OPHN1: variants seen among roughly 807,000 people sequenced by gnomAD.
The protein encoded by OPHN1 is oligophrenin-1.
A neutral mutation model predicts 60.7 loss-of-function variants in OPHN1; 11 were observed. The ratio of observed to expected loss-of-function variants is 0.18; its 90% confidence interval spans 0.11 to 0.30. OPHN1 has a LOEUF of 0.30. Among genes scored for constraint, OPHN1 ranks in the 10% least tolerant of loss-of-function variants. The pLI is 1.00. For synonymous variants in OPHN1, 226 were observed against 222.6 expected, an observed-to-expected ratio of 1.02 and a Z score of -0.14; for missense variants, 449 against 611.0, an observed-to-expected ratio of 0.73 and a Z score of 2.80.
chrX:68,092,130 A>C (rs1229090387), intron 19 of OPHN1, among the ~76,000 whole-genome samples: 3 of 111,568 alleles, frequency 2.7e-5, no homozygotes, highest in Non-Finnish European at 5.7e-5. Context: ...AGAAAACTTA[A>C]AACCAATGTG....
chrX:68,267,713 A>C (rs2077939535), intron 5 of OPHN1, among the ~76,000 whole-genome samples: 2 of 112,389 alleles, frequency 1.8e-5, no homozygotes, highest in Non-Finnish European at 3.8e-5. Context: ...AGAGACACAA[A>C]AAATGCTTCA....
intron 15 of OPHN1, among the ~76,000 whole-genome samples, chrX:68,122,114 C>T (rs1418525727): frequency 9.0e-6 from 1 of 111,118 alleles, no homozygotes; most frequent in African/African-American, 3.3e-5. Flanking sequence ...TGGGGAGAGA[C>T]TCCTTCTGCT....
At chrX:68,082,041 G>T (rs145437353) in intron 19 of OPHN1, among the ~76,000 whole-genome samples, 2,247 of 111,678 alleles carry the variant, frequency 0.02, 56 homozygotes, top group African/African-American at 0.068. Context: ...TCCACCTCAA[G>T]AAACCATTTT....
chrX:68,269,583 T>G (rs2077954801), intron 5 of OPHN1, among the ~76,000 whole-genome samples: 1 of 111,430 alleles, frequency 9.0e-6, no homozygotes, highest in African/African-American at 3.3e-5. Flanking sequence ...ATACAAAAAT[T>G]AATTCAAGAT....
intron 15 of OPHN1, among the ~76,000 whole-genome samples, chrX:68,120,467 T>TA (rs2077146161): frequency 1.8e-5 from 2 of 111,764 alleles, no homozygotes; most frequent in African/African-American, 6.5e-5. Flanking sequence ...CTAAAAACTA[T>TA]AAAACACTGA....
chrX:68,259,459 G>C (rs1052852738), intron 5 of OPHN1, among the ~76,000 whole-genome samples: 4 of 110,741 alleles, frequency 3.6e-5, no homozygotes, highest in African/African-American at 1.3e-4. Flanking sequence ...TCAAAAAAAA[G>C]ATAATTGTTT....
rs181630288 is a variant in OPHN1, at chrX:68,210,140, T to A, written c.832+13A>T. 1 of 1,208,068 alleles carries A rather than the reference T, an allele frequency of 8.3e-7. No homozygotes were observed. The highest frequency in any genetic ancestry group is 3.0e-5 in the East Asian group (1 of 33,698). ...TATTGAAACCCAATGGATACCCCTA[T>A]GTCCCCACACACATTTCTCTTGTGT... On this transcript the variant is annotated intron_variant, in intron 9 of 24. Transcript: ENST00000355520.
At chrX:68,053,175 C>T (rs1478300328) in intron 22 of OPHN1, among the ~76,000 whole-genome samples, 1 of 111,370 alleles carries the variant, frequency 9.0e-6, no homozygotes, top group Non-Finnish European at 1.9e-5. Context: ...AGCTCAGCTC[C>T]CACCCTGTAA....
intron 2 of OPHN1, among the ~76,000 whole-genome samples, chrX:68,389,502 G>T (rs892840260): frequency 9.3e-6 from 1 of 107,746 alleles, no homozygotes; most frequent in Admixed American, 1.0e-4. Context: ...AAAAGGCAGA[G>T]CTTGCAGTGA....
intron 5 of OPHN1, among the ~76,000 whole-genome samples, chrX:68,249,924 C>T (rs1268795689): frequency 5.4e-5 from 6 of 112,056 alleles, no homozygotes; most frequent in Non-Finnish European, 7.5e-5. Context: ...GAAAAAATAA[C>T]GAGCATAATG....
Position 68,338,952 on chromosome X carries a change from C to T in OPHN1, c.155-39856G>A, listed in dbSNP as rs1312488429. Among the ~76,000 whole-genome samples, 4 of 107,718 alleles carry T rather than the reference C, an allele frequency of 3.7e-5. No individual in the cohort carries two copies. In the Admixed American group the frequency reaches 4.1e-4, roughly 11 times the overall value. The allele number at this position is 107,718 out of a possible 115,157, so 93.5% of individuals were successfully genotyped here. ...AATTAGCCAGGCATGGTGGCACAAG[C>T]TTGTAGTCCCAGCTATTCGGGGAGC... On this transcript the variant is annotated intron_variant, in intron 2 of 24. Coordinates refer to ENST00000355520, the MANE Select transcript of OPHN1 (RefSeq NM_002547.3).
At chrX:68,225,047 T>C (rs1369756176) in intron 6 of OPHN1, among the ~76,000 whole-genome samples, 2 of 112,326 alleles carry the variant, frequency 1.8e-5, no homozygotes, top group African/African-American at 6.5e-5. Context: ...TCCAACGGTC[T>C]TAGCAAATGG....
At chrX:68,255,278 C>A (rs1050620031) in intron 5 of OPHN1, among the ~76,000 whole-genome samples, 1 of 110,962 alleles carries the variant, frequency 9.0e-6, no homozygotes, top group Non-Finnish European at 1.9e-5. Context: ...GCAACAATAA[C>A]TACTAAAATA....
At position 68,337,850 on chromosome X, in the gene OPHN1, G is replaced by A. The variant is rs781258998; in HGVS notation, c.155-38754C>T. On this transcript the variant is annotated intron_variant, in intron 2 of 24. Coordinates refer to ENST00000355520, the MANE Select transcript of OPHN1 (RefSeq NM_002547.3). ...CAGGAGAGATATTTTATAATGATAC[G>A]AGTCAATCCATCAAGAAGATATAAC... 2.0e-3 allele frequency among the ~76,000 whole-genome samples: 205 copies of A among 104,426 alleles called. 1 individual carries two copies. Among genetic ancestry groups the A allele is most frequent in the African/African-American group, 6.5e-3 (189 of 28,871 alleles). The allele number at this position is 104,426 out of a possible 115,157, so 90.7% of individuals were successfully genotyped here.
intron 18 of OPHN1, among the ~76,000 whole-genome samples, chrX:68,103,091 C>T (rs750268711): frequency 1.6e-4 from 18 of 112,112 alleles, no homozygotes; most frequent in Admixed American, 1.4e-3. Flanking sequence ...AACTTTCAGG[C>T]CAATATCCCT....
chrX:68,378,343 A>G (rs1483447667), intron 2 of OPHN1, among the ~76,000 whole-genome samples: 2 of 111,572 alleles, frequency 1.8e-5, no homozygotes, highest in Non-Finnish European at 3.8e-5. Flanking sequence ...CCTTTGTCAG[A>G]TAAGTAGGTT....
At chrX:68,198,983 A>G (rs1602229622) in intron 11 of OPHN1, among the ~76,000 whole-genome samples, 1 of 112,093 alleles carries the variant, frequency 8.9e-6, no homozygotes, top group East Asian at 2.8e-4. Context: ...AATGATACAG[A>G]TTCACAAACC....
At chrX:68,169,480 C>T (rs2077378087) in intron 15 of OPHN1, among the ~76,000 whole-genome samples, 1 of 109,564 alleles carries the variant, frequency 9.1e-6, no homozygotes, top group African/African-American at 3.4e-5. Flanking sequence ...CAAGTCAATC[C>T]TAAGCCAAAA....
intron 5 of OPHN1, among the ~76,000 whole-genome samples, chrX:68,269,626 A>C (rs921620063): frequency 1.4e-4 from 16 of 112,045 alleles, no homozygotes; most frequent in Non-Finnish European, 9.4e-5. Context: ...ACCTAAAACC[A>C]TAAAAACCCT....
Sources: gnomAD v4.1 joint callset for allele counts (sites outside exome capture counted in the v4.1 genomes callset) on GRCh38, gnomAD v4.1.1 for gene constraint, MANE v1.5 for transcripts, NCBI Gene and HGNC (gene_info 2026-07-23, HGNC 2026-07-21) for gene names.